The following RNLS variants were observed in gnomAD, a reference collection of about 807,000 sequenced individuals.
RNLS encodes the protein renalase.
A neutral mutation model predicts 39.8 loss-of-function variants in RNLS; 39 were observed. That is an observed-to-expected ratio of 0.98 (90% CI 0.76 to 1.28). The LOEUF is 1.28. Ranked by LOEUF, RNLS falls within the 50% of genes most tolerant of loss-of-function variation. The probability of loss-of-function intolerance (pLI) is 0.00; values close to 1 mark genes in which losing one functional copy is unlikely to be tolerated. For missense variants in RNLS, 410 were observed against 413.3 expected, an observed-to-expected ratio of 0.99 and a Z score of 0.07; for synonymous variants, 147 against 150.7, an observed-to-expected ratio of 0.98 and a Z score of 0.18.
chr10:88,561,667 C>G (rs1849195844), intron 4 of RNLS, among the ~76,000 whole-genome samples: 2 of 151,650 alleles, frequency 1.3e-5, no homozygotes, highest in Admixed American at 6.6e-5. Flanking sequence ...ATCAGGAAGT[C>G]AAGTATCTAT....
At chr10:88,301,871 A>G (rs1844551481) in intron 6 of RNLS, among the ~76,000 whole-genome samples, 1 of 152,206 alleles carries the variant, frequency 6.6e-6, no homozygotes, top group Non-Finnish European at 1.5e-5. Context: ...ACAAAAGAGA[A>G]AAAGTGGGAC....
chr10:88,445,111 G>A (rs530229126), intron 4 of RNLS, among the ~76,000 whole-genome samples: 6 of 152,274 alleles, frequency 3.9e-5, no homozygotes, highest in Admixed American at 1.3e-4. Context: ...CAGACTAACA[G>A]TGGATCACTT....
chr10:88,471,469 C>T (rs1843520071), intron 4 of RNLS, among the ~76,000 whole-genome samples: 1 of 152,068 alleles, frequency 6.6e-6, no homozygotes, highest in Non-Finnish European at 1.5e-5. Flanking sequence ...TGCTGGCTAC[C>T]TTTTGGGGAA....
At chr10:88,182,380 C>T in the RNLS span, among the ~76,000 whole-genome samples, 7 of 152,080 alleles carry the variant, frequency 4.6e-5, no homozygotes, top group South Asian at 1.5e-3. Flanking sequence ...ACATATTTAA[C>T]ATTTTGGCTG....
intron 4 of RNLS, among the ~76,000 whole-genome samples, chr10:88,536,042 T>A (rs1847737675): frequency 6.6e-6 from 1 of 152,134 alleles, no homozygotes; most frequent in Admixed American, 6.6e-5. Context: ...GCATGGACTT[T>A]CCAATCAGAC....
chr10:88,243,347 C>G, the RNLS span, among the ~76,000 whole-genome samples: 1 of 152,230 alleles, frequency 6.6e-6, no homozygotes, highest in South Asian at 2.1e-4. Flanking sequence ...GAACAATACT[C>G]TGTGCTAACC....
intron 4 of RNLS, among the ~76,000 whole-genome samples, chr10:88,375,860 A>G (rs1401455822): frequency 6.6e-6 from 1 of 152,174 alleles, no homozygotes; most frequent in African/African-American, 2.4e-5. Context: ...GGATTGGAAG[A>G]AGGATCAGAT....
rs1394069846 is a variant in RNLS, at chr10:88,456,065, AT to A, written c.527-93341del. Among the ~76,000 whole-genome samples the A allele has an allele frequency of 2.6e-5, 4 of 152,158 alleles. No individual in the cohort carries two copies. The East Asian group carries it at 7.7e-4, about 29-fold the overall frequency. ...CCCAGTCCTAAGCCAAATTCTTAAG[AT>A]TTGGAAAGAAAATAATTTTGTCTTA... On this transcript the variant is annotated intron_variant, in intron 4 of 6. Coordinates refer to ENST00000331772, the MANE Select transcript of RNLS (RefSeq NM_001031709.3).
intron 4 of RNLS, among the ~76,000 whole-genome samples, chr10:88,480,226 C>A (rs114280148): frequency 6.0e-4 from 92 of 152,328 alleles, no homozygotes; most frequent in African/African-American, 2.1e-3. Context: ...CGTTCCTTTA[C>A]CTAGGTAATC....
chr10:88,182,530 CAT>C, the RNLS span, among the ~76,000 whole-genome samples: 1 of 152,098 alleles, frequency 6.6e-6, no homozygotes, highest in Non-Finnish European at 1.5e-5. Flanking sequence ...ATTAATATAT[CAT>C]TCACTTTACA....
intron 4 of RNLS, among the ~76,000 whole-genome samples, chr10:88,441,024 T>C (rs1841680060): frequency 6.6e-6 from 1 of 152,180 alleles, no homozygotes; most frequent in African/African-American, 2.4e-5. Context: ...GAATTATGAG[T>C]CGAGTTGAGA....
At chr10:88,397,726 A>G (rs1398451460) in intron 4 of RNLS, among the ~76,000 whole-genome samples, 1 of 152,042 alleles carries the variant, frequency 6.6e-6, no homozygotes, top group African/African-American at 2.4e-5. Flanking sequence ...GCAGAAATTA[A>G]CAAGCTTATT....
chr10:88,507,460 T>C (rs150239722), intron 4 of RNLS, among the ~76,000 whole-genome samples: 2 of 152,234 alleles, frequency 1.3e-5, no homozygotes, highest in Non-Finnish European at 2.9e-5. Flanking sequence ...AACCTTTCCT[T>C]TCACAATCAT....
At chr10:88,537,428 T>C (rs1192701504) in intron 4 of RNLS, among the ~76,000 whole-genome samples, 3 of 152,198 alleles carry the variant, frequency 2.0e-5, no homozygotes, top group Non-Finnish European at 2.9e-5. Flanking sequence ...GCGCTATTTA[T>C]AATAGTACAG....
chr10:88,476,530 A>G (rs949802805), intron 4 of RNLS, among the ~76,000 whole-genome samples: 4 of 152,144 alleles, frequency 2.6e-5, no homozygotes, highest in Non-Finnish European at 5.9e-5. Context: ...TTTCCCTCTA[A>G]AAAGTAGAAT....
At chr10:88,348,994 A>G (rs1848496920) in intron 5 of RNLS, among the ~76,000 whole-genome samples, 1 of 152,148 alleles carries the variant, frequency 6.6e-6, no homozygotes, top group Non-Finnish European at 1.5e-5. Flanking sequence ...TACTTCCTTC[A>G]GAATTTCTCA....
At chr10:88,310,824 A>G (rs866338899) in intron 6 of RNLS, among the ~76,000 whole-genome samples, 6,568 of 113,230 alleles carry the variant, frequency 0.058, 517 homozygotes, top group Non-Finnish European at 0.086. Context: ...AAAAAAAAAA[A>G]AAAGAAAGAA....
At chr10:88,558,484 T>A (rs1440106335) in intron 4 of RNLS, among the ~76,000 whole-genome samples, 1 of 152,186 alleles carries the variant, frequency 6.6e-6, no homozygotes, top group African/African-American at 2.4e-5. Context: ...CACAACTAAT[T>A]AGTTCCCCAG....
At chr10:88,345,922 T>C (rs753313326) in intron 5 of RNLS, among the ~76,000 whole-genome samples, 1 of 152,124 alleles carries the variant, frequency 6.6e-6, no homozygotes, top group Non-Finnish European at 1.5e-5. Flanking sequence ...CAGAAGTCCA[T>C]TGCAGTATAT....
Sources: allele counts gnomAD v4.1 joint callset (sites outside exome capture counted in the v4.1 genomes callset), GRCh38; gene constraint gnomAD v4.1.1; transcripts MANE v1.5; gene names NCBI Gene and HGNC (gene_info 2026-07-23, HGNC 2026-07-21).